The following SKIC3 variants were observed in gnomAD, a reference collection of about 807,000 sequenced individuals.
SKIC3 encodes SKI3 subunit of superkiller complex.
chr5:95,490,794 G>C, the SKIC3 span: 2 of 1,382,156 alleles, frequency 1.4e-6, no homozygotes, highest in African/African-American at 1.5e-5. Flanking sequence ...CACCATGCCC[G>C]GCCTAATGAA....
At chr5:95,482,659 C>A in the SKIC3 span, 3 of 1,612,602 alleles carry the variant, frequency 1.9e-6, no homozygotes, top group African/African-American at 1.3e-5. Context: ...AAGAGGAACA[C>A]ATCAAATAGG....
chr5:95,492,676 A>AAAAAAAAAAAAAAAAAAAAAAAC, the SKIC3 span, among the ~76,000 whole-genome samples: 1 of 138,886 alleles, frequency 7.2e-6, no homozygotes, highest in Admixed American at 7.2e-5. Context: ...AAAAAAAAAA[A>AAAAAAAAAAAAAAAAAAAAAAAC]AAAAAAAAAA....
At chr5:95,495,063 A>G in the SKIC3 span, 1 of 1,593,520 alleles carries the variant, frequency 6.3e-7, no homozygotes, top group Admixed American at 1.7e-5. Flanking sequence ...AGAAACTTTC[A>G]TGAAAAAGAA....
chr5:95,502,115 C>A, the SKIC3 span, among the ~76,000 whole-genome samples: 3 of 152,148 alleles, frequency 2.0e-5, no homozygotes, highest in South Asian at 2.1e-4. Context: ...TCCATCCCCC[C>A]ACCTTTGGAG....
At chr5:95,492,652 GAAAAAAAAAAAAAAAAAAAAAAAAAAAAA>G in the SKIC3 span, among the ~76,000 whole-genome samples, 1 of 48,836 alleles carries the variant, frequency 2.0e-5, no homozygotes, top group Non-Finnish European at 3.1e-5. Flanking sequence ...AAAAAAAAAA[GAAAAAAAAAAAAAAAAAAAAAAAAAAAAA>G]AAAAAAAACA....
chr5:95,540,659 GA>G, the SKIC3 span: 1 of 1,612,296 alleles, frequency 6.2e-7, no homozygotes, highest in South Asian at 1.1e-5. Context: ...CAATTTTCAT[GA>G]ACAAACTTGA....
chr5:95,484,429 G>A, the SKIC3 span, among the ~76,000 whole-genome samples: 3 of 144,824 alleles, frequency 2.1e-5, no homozygotes, highest in African/African-American at 5.2e-5. Flanking sequence ...TCACTGCAAC[G>A]TCAAATTCCT....
At chr5:95,519,263 T>C in the SKIC3 span, among the ~76,000 whole-genome samples, 3 of 151,998 alleles carry the variant, frequency 2.0e-5, no homozygotes, top group Non-Finnish European at 2.9e-5. Flanking sequence ...TTTTCTCTTC[T>C]CGAGATCTTA....
the SKIC3 span, among the ~76,000 whole-genome samples, chr5:95,511,266 C>T: frequency 6.6e-6 from 1 of 152,072 alleles, no homozygotes; most frequent in South Asian, 2.1e-4. Context: ...AAAAATTAGC[C>T]GGGCGTGGTG....
At chr5:95,471,007 T>A in the SKIC3 span, among the ~76,000 whole-genome samples, 1 of 152,316 alleles carries the variant, frequency 6.6e-6, no homozygotes, top group East Asian at 1.9e-4. Context: ...ATATATAGTC[T>A]ATTTCAAACA....
At chr5:95,496,572 A>G in the SKIC3 span, among the ~76,000 whole-genome samples, 1 of 152,202 alleles carries the variant, frequency 6.6e-6, no homozygotes, top group Non-Finnish European at 1.5e-5. Context: ...ACGTAGTCCC[A>G]GATTGATGGA....
At chr5:95,549,693 A>G in the SKIC3 span, among the ~76,000 whole-genome samples, 1 of 152,030 alleles carries the variant, frequency 6.6e-6, no homozygotes, top group Non-Finnish European at 1.5e-5. Context: ...ATTTGTAAAA[A>G]GACAAAATAA....
chr5:95,517,787 T>C, the SKIC3 span, among the ~76,000 whole-genome samples: 1 of 152,090 alleles, frequency 6.6e-6, no homozygotes, highest in East Asian at 1.9e-4. Context: ...ACAAAGCTCA[T>C]GAGTTGGGAA....
chr5:95,473,521 C>A, the SKIC3 span, among the ~76,000 whole-genome samples: 2 of 152,170 alleles, frequency 1.3e-5, no homozygotes, highest in African/African-American at 4.8e-5. Flanking sequence ...AGTGATCCAC[C>A]CGCTTTGGCC....
chr5:95,523,514 C>A, the SKIC3 span: 1 of 1,225,376 alleles, frequency 8.2e-7, no homozygotes. Flanking sequence ...AAAAAAACTT[C>A]ACTTACAGAG....
chr5:95,550,447 T>G, the SKIC3 span: 1 of 147,766 alleles, frequency 6.8e-6, no homozygotes, highest in Non-Finnish European at 1.5e-5. Context: ...AGGTATTTTG[T>G]AATGACCCAT....
the SKIC3 span, among the ~76,000 whole-genome samples, chr5:95,467,062 T>C: frequency 2.8e-4 from 42 of 152,332 alleles, no homozygotes; most frequent in Middle Eastern, 3.4e-3. Flanking sequence ...GTCATATATT[T>C]GTATTGTTAT....
chr5:95,477,862 T>G, the SKIC3 span, among the ~76,000 whole-genome samples: 3 of 152,210 alleles, frequency 2.0e-5, no homozygotes, highest in African/African-American at 7.2e-5. Context: ...CAGATTCATA[T>G]ACGTAAATTG....
chr5:95,493,816 A>G, the SKIC3 span, among the ~76,000 whole-genome samples: 1 of 150,378 alleles, frequency 6.6e-6, no homozygotes, highest in East Asian at 1.9e-4. Flanking sequence ...CATATTTAAA[A>G]TAATATTATA....
Sources: gnomAD v4.1 joint callset for allele counts (sites outside exome capture counted in the v4.1 genomes callset) on GRCh38, gnomAD v4.1.1 for gene constraint, MANE v1.5 for transcripts, NCBI Gene and HGNC (gene_info 2026-07-23, HGNC 2026-07-21) for gene names.